The following HTR2A variants were observed in gnomAD, a reference collection of about 807,000 sequenced individuals.
HTR2A encodes the protein 5-hydroxytryptamine receptor 2A.
HTR2A carries 14 observed loss-of-function variants against 31.0 expected under a neutral mutation model. The ratio of observed to expected loss-of-function variants is 0.45; its 90% CI spans 0.30 to 0.71. The LOEUF is 0.71. Ranked by LOEUF, HTR2A falls within the 30% of genes least tolerant of loss-of-function variation. The pLI is 0.09. For missense variants in HTR2A, 442 were observed against 573.3 expected (o/e 0.77, Z 2.34); for synonymous variants, 209 against 225.2 (o/e 0.93, Z 0.64).
chr13:46,893,724 G>A (rs943310737), intron 2 of HTR2A, among the ~76,000 whole-genome samples: 28 of 152,196 alleles, frequency 1.8e-4, no homozygotes, highest in Admixed American at 1.6e-3. Context: ...TTTGGAGGGG[G>A]ATTAAGCAGT....
intron 3 of HTR2A, among the ~76,000 whole-genome samples, chr13:46,857,027 C>A (rs572912948): frequency 1.3e-5 from 2 of 152,024 alleles, no homozygotes; most frequent in African/African-American, 4.8e-5. Context: ...GCTGGCTGGG[C>A]GCGGTGGCTC....
At chr13:46,891,344 A>G (rs942601293) in intron 3 of HTR2A, among the ~76,000 whole-genome samples, 1 of 152,252 alleles carries the variant, frequency 6.6e-6, no homozygotes, top group Non-Finnish European at 1.5e-5. Flanking sequence ...GGCTTTGCAC[A>G]GCTCATTTTG....
chr13:46,836,562 TA>T (rs1876458750), intron 3 of HTR2A, among the ~76,000 whole-genome samples: 1 of 152,172 alleles, frequency 6.6e-6, no homozygotes, highest in Admixed American at 6.6e-5. Context: ...TAATTCTTTT[TA>T]AAAAAGCTTT....
In HTR2A at chr13:46,895,300, G is replaced by C; in HGVS notation, c.412+195C>G. Reference sequence around the variant, plus strand: ...AGCACAAAACTCTCCAGTGATCACAGGTCATAGACTGTCTGATTTTTATGT... The same window carrying C: ...AGCACAAAACTCTCCAGTGATCACACGTCATAGACTGTCTGATTTTTATGT... On this transcript the variant is annotated intron_variant, in intron 2 of 3. Coordinates refer to ENST00000542664, the MANE Select transcript of HTR2A (RefSeq NM_000621.5). This position sits in a 1 kb window ranked among gnomAD's most constrained non-coding sequence, Gnocchi z 4.4. 3.5e-6 allele frequency: 2 copies of C among 577,528 alleles called. No homozygotes were observed. The highest frequency in any genetic ancestry group is 6.1e-6 in the Non-Finnish European group (2 of 329,112). The allele number at this position is 577,528 out of a possible 1,614,324, so 35.8% of individuals were successfully genotyped here.
intron 3 of HTR2A, among the ~76,000 whole-genome samples, chr13:46,838,977 T>TAC (rs67738033): frequency 0.029 from 4,118 of 140,806 alleles, 107 homozygotes; most frequent in African/African-American, 0.083. Context: ...GACACACACA[T>TAC]ACACACACAC....
intron 3 of HTR2A, among the ~76,000 whole-genome samples, chr13:46,877,804 G>C (rs1413289320): frequency 6.6e-6 from 1 of 152,116 alleles, no homozygotes; most frequent in East Asian, 1.9e-4. Context: ...AAATGTGAAG[G>C]CTTCCTGGAA....
intron 3 of HTR2A, among the ~76,000 whole-genome samples, chr13:46,869,661 C>T (rs147544220): frequency 2.0e-5 from 3 of 151,964 alleles, no homozygotes; most frequent in Non-Finnish European, 2.9e-5. Context: ...AAGCAGAAAT[C>T]CACATATCCA....
chr13:46,896,588 T>C (rs1401227162), intron 1 of HTR2A, 86 bp downstream of exon 1: 1 of 1,032,794 alleles, frequency 9.7e-7, no homozygotes, highest in East Asian at 2.8e-5. Context: ...GAAATTCTCA[T>C]TGAAATGATT....
At position 46,897,015 on chromosome 13, in the gene HTR2A, A is replaced by G; in HGVS notation, c.-670T>C. 1.7e-6 allele frequency: 1 copy of G among 584,164 alleles called. No homozygotes were observed. 36.2% of individuals were successfully genotyped at this position (584,164 alleles called of 1,614,324 possible). A position where few individuals can be genotyped will look rare whatever the true frequency, so the allele number is the denominator to read the frequency against. ...GAAAGTAGGAAGAGCTGTCTGCACC[A>G]AGGGACTCCTGGTTTCCACGGGAAT... On this transcript the variant is annotated 5_prime_UTR_variant, in exon 1 of 4. Coordinates refer to ENST00000542664, the MANE Select transcript of HTR2A (RefSeq NM_000621.5).
chr13:46,856,726 G>A (rs566098506), intron 3 of HTR2A, among the ~76,000 whole-genome samples: 2 of 152,232 alleles, frequency 1.3e-5, no homozygotes, highest in South Asian at 4.2e-4. Flanking sequence ...AGGTTAAGAG[G>A]GTTATCGTTA....
chr13:46,853,984 C>T (rs1268239909), intron 3 of HTR2A: 1 of 152,238 alleles, frequency 6.6e-6, no homozygotes, highest in East Asian at 1.9e-4. Flanking sequence ...ACTTTTGTAA[C>T]AGGACCTGAC....
At chr13:46,870,723 T>C (rs1217206187) in intron 3 of HTR2A, among the ~76,000 whole-genome samples, 1 of 152,208 alleles carries the variant, frequency 6.6e-6, no homozygotes, top group Non-Finnish European at 1.5e-5. Context: ...TGTTTTACTA[T>C]GCAGATTTGT....
At chr13:46,869,792 A>G (rs961086534) in intron 3 of HTR2A, among the ~76,000 whole-genome samples, 5 of 152,178 alleles carry the variant, frequency 3.3e-5, no homozygotes, top group African/African-American at 1.2e-4. Flanking sequence ...GCTAAGTGAA[A>G]TAAGCCAGAC....
At chr13:46,850,496 T>C (rs904852776) in intron 3 of HTR2A, among the ~76,000 whole-genome samples, 39 of 152,248 alleles carry the variant, frequency 2.6e-4, no homozygotes, top group African/African-American at 9.4e-4. Flanking sequence ...CTCTGTAGTC[T>C]GTATTTTTCT....
intron 3 of HTR2A, among the ~76,000 whole-genome samples, chr13:46,860,388 G>A (rs984137040): frequency 3.3e-5 from 5 of 152,196 alleles, no homozygotes; most frequent in African/African-American, 1.2e-4. Flanking sequence ...CATAGCCTCA[G>A]ATAGGGTAAA....
At chr13:46,877,955 T>G (rs1280705771) in intron 3 of HTR2A, among the ~76,000 whole-genome samples, 1 of 152,086 alleles carries the variant, frequency 6.6e-6, no homozygotes, top group African/African-American at 2.4e-5. Context: ...TTATTGCAGC[T>G]GGAGAATAAA....
At chr13:46,846,848 G>A (rs9567736) in intron 3 of HTR2A, among the ~76,000 whole-genome samples, 19,437 of 152,158 alleles carry the variant, frequency 0.13, 1,840 homozygotes, top group East Asian at 0.48. Flanking sequence ...ATGTTAATAC[G>A]GAATCAGTTT....
rs1273276081 is a variant in HTR2A at position 46,835,272 on chromosome 13, G to A, written c.981C>T (p.Ile327=). 6.2e-6 allele frequency: 10 copies of A among 1,613,980 alleles called. No homozygotes were observed. The highest frequency in any genetic ancestry group is 1.3e-5 in the African/African-American group (1 of 74,906). The change falls in exon 4 of 4, where the codon ATC becomes ATT. Residue 327 remains isoleucine (I), a synonymous_variant. Coordinates refer to ENST00000542664, the MANE Select transcript of HTR2A (RefSeq NM_000621.5). The stretch of plus-strand genomic sequence containing the variant: ...ACATCACCACAAACAGGAAGAAGAC[G>A]ATGCCCAGCACCTTGCATGCCTTTT... The part of the protein sequence containing the change: ...NEQKACKVLG[I]VFFLFVVMWC...
intron 3 of HTR2A, among the ~76,000 whole-genome samples, chr13:46,876,079 T>C (rs967361177): frequency 6.6e-6 from 1 of 152,178 alleles, no homozygotes; most frequent in East Asian, 1.9e-4. Context: ...TATAAAAATA[T>C]CCTTTAAAGA....
Sources: gnomAD v4.1 joint callset for allele counts (sites outside exome capture counted in the v4.1 genomes callset) on GRCh38, gnomAD v4.1.1 for gene constraint, Gnocchi (gnomAD v3.1) non-coding constraint, MANE v1.5 for transcripts, NCBI Gene and HGNC (gene_info 2026-07-23, HGNC 2026-07-21) for gene names.